Variants in TLN2 observed in about 807,000 individuals in gnomAD.
TLN2 encodes the protein talin 2.
TLN2 carries 118 observed loss-of-function variants against 294.7 expected under a neutral mutation model. The ratio of observed to expected loss-of-function variants is 0.40; its 90% CI spans 0.34 to 0.47. The LOEUF (loss-of-function observed/expected upper bound fraction) is 0.47. TLN2 is among the 20% of genes least tolerant of loss of function. The probability of loss-of-function intolerance (pLI) is 0.84; values close to 1 mark genes in which losing one functional copy is unlikely to be tolerated. For missense variants in TLN2, 3,083 were observed against 3,282.2 expected (o/e 0.94, Z 1.48); for synonymous variants, 1,431 against 1,304.5 (o/e 1.10, Z -2.09).
intron 54 of TLN2, chr15:62,830,633 A>C (rs1296919954): frequency 2.0e-5 from 3 of 152,088 alleles, no homozygotes; most frequent in African/African-American, 7.2e-5. Context: ...TAAGGCTAGA[A>C]GTTGTATGGT....
chr15:62,632,210 G>A (rs115803403), intron 3 of TLN2, among the ~76,000 whole-genome samples: 2,206 of 152,334 alleles, frequency 0.014, 60 homozygotes, highest in African/African-American at 0.049. Flanking sequence ...CCTGTGGGGC[G>A]TGGCATTAAA....
Position 62,701,794 on chromosome 15 carries a change from A to T in TLN2, c.1697-198A>T, listed in dbSNP as rs560512966. ...GTGGTTGTACTCAGTATTTCAGTGC[A>T]TGAGGCCTCCAGGTGAAAGGGCCTT... On this transcript the variant is annotated intron_variant, in intron 17 of 58. Coordinates refer to ENST00000636159, the MANE Select transcript of TLN2 (RefSeq NM_015059.3). Among the ~76,000 whole-genome samples, 56 of 152,316 alleles carry T rather than the reference A, an allele frequency of 3.7e-4. 1 individual carries two copies. The South Asian group carries it at 3.7e-3, about 10-fold the overall frequency.
intron 55 of TLN2, 184 bp from the exon 56 acceptor site, chr15:62,835,553 G>A: frequency 1.6e-6 from 1 of 642,452 alleles, no homozygotes; most frequent in Non-Finnish European, 2.7e-6. Flanking sequence ...GATGTGCTGT[G>A]CAATCTTTCT....
In TLN2 at chr15:62,555,128, C is replaced by T. The variant is rs375997469; in HGVS notation, c.-237-34559C>T. 1.9e-4 allele frequency among the ~76,000 whole-genome samples: 29 copies of T among 152,294 alleles called. No homozygotes were observed. The East Asian group carries it at 4.4e-3, about 23-fold the overall frequency. Reference sequence around the variant, plus strand: ...CAGATAGTCATCTAAATCCTACAGGCACACCCTTTGAAGTGCGAAGCTTTT... The same window carrying T: ...CAGATAGTCATCTAAATCCTACAGGTACACCCTTTGAAGTGCGAAGCTTTT... On this transcript the variant is annotated intron_variant, in intron 1 of 58. Transcript: ENST00000636159.
rs1596120346 is a variant in TLN2 at position 62,558,070 on chromosome 15, T to A, written c.-237-31617T>A. Among the ~76,000 whole-genome samples, 4 of 152,346 alleles carry A rather than the reference T, an allele frequency of 2.6e-5. No individual in the cohort carries two copies. In the South Asian group the frequency reaches 6.2e-4, roughly 24 times the overall value. On this transcript the variant is annotated intron_variant, in intron 1 of 58. Coordinates refer to ENST00000636159, the MANE Select transcript of TLN2 (RefSeq NM_015059.3). ...TGCTTATTGGACTTCTAAGTGGAATTATATCTGAAGAAAAGACTTTGCTAA... is the reference window on the plus strand; with the variant it reads ...TGCTTATTGGACTTCTAAGTGGAATAATATCTGAAGAAAAGACTTTGCTAA...
At chr15:62,597,064 C>G (rs2046590977) in intron 2 of TLN2, among the ~76,000 whole-genome samples, 1 of 152,150 alleles carries the variant, frequency 6.6e-6, no homozygotes, top group Non-Finnish European at 1.5e-5. Flanking sequence ...CTCCCTGCCT[C>G]CCTAAAGCTG....
intron 12 of TLN2, among the ~76,000 whole-genome samples, chr15:62,688,496 C>A (rs909375889): frequency 2.6e-5 from 4 of 152,114 alleles, no homozygotes; most frequent in African/African-American, 7.2e-5. Context: ...GTAAAGTGGG[C>A]TCTATAAATA....
At chr15:62,430,522 G>A (rs1167904499) in intron 1 of TLN2, among the ~76,000 whole-genome samples, 1 of 152,196 alleles carries the variant, frequency 6.6e-6, no homozygotes, top group African/African-American at 2.4e-5. Flanking sequence ...TTGTTAGGAG[G>A]AGGTAGCACT....
chr15:62,517,313 A>G (rs1316380808), intron 1 of TLN2, among the ~76,000 whole-genome samples: 1 of 152,210 alleles, frequency 6.6e-6, no homozygotes, highest in African/African-American at 2.4e-5. Flanking sequence ...TGCTGTTAGT[A>G]GAAAATCACA....
Position 62,667,156 on chromosome 15 carries a change from C to T in TLN2, c.789-6671C>T, listed in dbSNP as rs552011168. The stretch of plus-strand genomic sequence containing the variant: ...AATTTTTTGTATTTTTTAGTAGAGA[C>T]GGGGTTTCACCATGTTAGCCAGGAT... On this transcript the variant is annotated intron_variant, in intron 9 of 58. Coordinates refer to ENST00000636159, the MANE Select transcript of TLN2 (RefSeq NM_015059.3). Among the ~76,000 whole-genome samples the T allele has an allele frequency of 4.1e-4, 63 of 152,132 alleles. 2 individuals carry two copies. The South Asian group carries it at 6.4e-3, about 16-fold the overall frequency.
chr15:62,456,754 A>G (rs1244148825), intron 1 of TLN2, among the ~76,000 whole-genome samples: 1 of 152,206 alleles, frequency 6.6e-6, no homozygotes, highest in Non-Finnish European at 1.5e-5. Context: ...CCCTGAGACT[A>G]CAAGTACAAA....
In TLN2 at chr15:62,461,757, G is replaced by A. The variant is rs145710068; in HGVS notation, c.-238+71072G>A. Among the ~76,000 whole-genome samples, 6 of 152,282 alleles carry A rather than the reference G, an allele frequency of 3.9e-5. No individual in the cohort carries two copies. In the East Asian group the frequency reaches 1.2e-3, roughly 29 times the overall value. ...AGAGCAAGGCCAACAGGTAAGAGGC[G>A]CCTACTCCATGCGAGGGGAAGAGCA... On this transcript the variant is annotated intron_variant, in intron 1 of 58. Transcript: ENST00000636159.
intron 1 of TLN2, among the ~76,000 whole-genome samples, chr15:62,470,426 A>G (rs1595881442): frequency 6.6e-6 from 1 of 152,268 alleles, no homozygotes; most frequent in Admixed American, 6.5e-5. Flanking sequence ...GGCCTGGGCC[A>G]GGGCTGACAG....
chr15:62,704,540 C>G (rs1484867061), intron 19 of TLN2, among the ~76,000 whole-genome samples: 1 of 152,194 alleles, frequency 6.6e-6, no homozygotes, highest in African/African-American at 2.4e-5. Flanking sequence ...GTGTTTGTTT[C>G]TCCTTCACTC....
At chr15:62,674,556 C>T (rs192886055) in intron 10 of TLN2, among the ~76,000 whole-genome samples, 8 of 146,754 alleles carry the variant, frequency 5.5e-5, no homozygotes, top group East Asian at 4.1e-4. Flanking sequence ...TGCAATGGGG[C>T]GATCTCAGCT....
At chr15:62,521,780 T>C (rs951232040) in intron 1 of TLN2, among the ~76,000 whole-genome samples, 9 of 152,180 alleles carry the variant, frequency 5.9e-5, no homozygotes, top group Non-Finnish European at 8.8e-5. Flanking sequence ...ATTTTCCGCA[T>C]GCAAATTTCT....
intron 54 of TLN2, among the ~76,000 whole-genome samples, chr15:62,823,184 G>A (rs2067731168): frequency 6.6e-6 from 1 of 152,184 alleles, no homozygotes; most frequent in Non-Finnish European, 1.5e-5. Context: ...GCTTCACAAT[G>A]GTCTGAAGTC....
intron 1 of TLN2, among the ~76,000 whole-genome samples, chr15:62,554,115 T>C (rs1166841361): frequency 2.0e-5 from 3 of 151,972 alleles, no homozygotes; most frequent in African/African-American, 7.3e-5. Context: ...TCAACCAAGA[T>C]GCTTAATCTA....
chr15:62,407,371 A>C (rs911267765), intron 1 of TLN2, among the ~76,000 whole-genome samples: 1 of 152,182 alleles, frequency 6.6e-6, no homozygotes, highest in Non-Finnish European at 1.5e-5. Context: ...CTTGATATGC[A>C]TAAGAATCTC....
Sources: gnomAD v4.1 joint callset for allele counts (sites outside exome capture counted in the v4.1 genomes callset) on GRCh38, gnomAD v4.1.1 for gene constraint, MANE v1.5 for transcripts, NCBI Gene and HGNC (gene_info 2026-07-23, HGNC 2026-07-21) for gene names.